Variants in USP12 observed in about 807,000 individuals in gnomAD.
USP12 encodes ubiquitin specific peptidase 12, also known as ubiquitin carboxyl-terminal hydrolase 12.
USP12 carries 19 observed loss-of-function variants against 45.5 expected under a neutral mutation model. The observed-to-expected ratio is 0.42, with a 90% CI of 0.29 to 0.61. USP12 has a LOEUF of 0.61. USP12 is among the 20% of genes least tolerant of loss of function. The pLI, the probability that USP12 is intolerant of heterozygous loss-of-function variation, is 0.22. For missense variants in USP12, 242 were observed against 447.7 expected, an observed-to-expected ratio of 0.54 and a Z score of 4.15; for synonymous variants, 149 against 148.8, an observed-to-expected ratio of 1.00 and a Z score of -0.01.
chr13:27,154,443 T>C (rs368250744), intron 1 of USP12, among the ~76,000 whole-genome samples: 1 of 152,224 alleles, frequency 6.6e-6, no homozygotes, highest in Non-Finnish European at 1.5e-5. Context: ...AGACTGGTAG[T>C]GTGCTAACAG....
chr13:27,153,301 C>T (rs1343964670), intron 1 of USP12, among the ~76,000 whole-genome samples: 2 of 151,708 alleles, frequency 1.3e-5, no homozygotes, highest in Admixed American at 6.6e-5. Flanking sequence ...AGTGAGACTC[C>T]GTCTCAAAAA....
At chr13:27,089,414 C>A (rs1874211469) in intron 6 of USP12, 1 of 153,220 alleles carries the variant, frequency 6.5e-6, no homozygotes, top group African/African-American at 2.4e-5. Flanking sequence ...GAGACTGTTT[C>A]AAAATAAGAA....
At chr13:27,168,257 T>G (rs937247160) in intron 1 of USP12, among the ~76,000 whole-genome samples, 5 of 152,126 alleles carry the variant, frequency 3.3e-5, no homozygotes, top group African/African-American at 1.2e-4. Context: ...CACCAACAAC[T>G]TCTCCGTTGT....
At chr13:27,158,881 C>G (rs1174611843) in intron 1 of USP12, among the ~76,000 whole-genome samples, 6 of 152,018 alleles carry the variant, frequency 3.9e-5, no homozygotes, top group Non-Finnish European at 7.4e-5. Context: ...TGATGACAAC[C>G]AAAAATATAC....
intron 6 of USP12, among the ~76,000 whole-genome samples, chr13:27,076,998 T>C (rs1194141181): frequency 2.0e-5 from 3 of 152,124 alleles, no homozygotes; most frequent in African/African-American, 7.2e-5. Context: ...CTCAAAAACA[T>C]CCCTTATGAG....
intron 1 of USP12, among the ~76,000 whole-genome samples, chr13:27,139,972 TA>T (rs1222074888): frequency 6.6e-6 from 1 of 152,206 alleles, no homozygotes; most frequent in African/African-American, 2.4e-5. Context: ...AAGGTTCTAC[TA>T]ATTACCCTCT....
At chr13:27,162,737 A>G (rs1018812697) in intron 1 of USP12, 1 of 152,216 alleles carries the variant, frequency 6.6e-6, no homozygotes, top group African/African-American at 2.4e-5. Flanking sequence ...TTCCTTTAAT[A>G]CAATGAAAGT....
intron 8 of USP12, among the ~76,000 whole-genome samples, chr13:27,070,091 T>G: frequency 6.6e-6 from 1 of 152,216 alleles, no homozygotes; most frequent in East Asian, 1.9e-4. Flanking sequence ...ATTTCTAACT[T>G]GGTATATTCA....
intron 8 of USP12, among the ~76,000 whole-genome samples, chr13:27,069,982 T>C (rs1353748811): frequency 6.6e-6 from 1 of 152,064 alleles, no homozygotes; most frequent in African/African-American, 2.4e-5. Flanking sequence ...CAACCTAACA[T>C]ATATCCAAGA....
intron 1 of USP12, among the ~76,000 whole-genome samples, chr13:27,144,087 C>G (rs1420784954): frequency 6.6e-6 from 1 of 151,922 alleles, no homozygotes; most frequent in Non-Finnish European, 1.5e-5. Flanking sequence ...GCCTATAGTC[C>G]CAGCCTCTCG....
intron 1 of USP12, among the ~76,000 whole-genome samples, chr13:27,130,962 T>A (rs1243515934): frequency 1.3e-5 from 2 of 152,246 alleles, no homozygotes; most frequent in Admixed American, 1.3e-4. Context: ...AGAAAAATTC[T>A]GGATGAAAAG....
intron 3 of USP12, among the ~76,000 whole-genome samples, chr13:27,100,969 ATG>A (rs1874839301): frequency 6.6e-6 from 1 of 152,218 alleles, no homozygotes; most frequent in African/African-American, 2.4e-5. Context: ...TAGCATATAC[ATG>A]TTTTTCAAAA....
chr13:27,137,264 G>C (rs1876847373), intron 1 of USP12, among the ~76,000 whole-genome samples: 1 of 152,018 alleles, frequency 6.6e-6, no homozygotes, highest in Non-Finnish European at 1.5e-5. Flanking sequence ...CATTAAAGAA[G>C]AACCTGAACA....
chr13:27,145,229 G>A (rs1288189063), intron 1 of USP12, among the ~76,000 whole-genome samples: 1 of 152,166 alleles, frequency 6.6e-6, no homozygotes, highest in Non-Finnish European at 1.5e-5. Flanking sequence ...AGAATGACAG[G>A]TGGCCAAAAA....
chr13:27,124,984 C>T (rs1441597766), intron 1 of USP12, among the ~76,000 whole-genome samples: 1 of 152,168 alleles, frequency 6.6e-6, no homozygotes, highest in African/African-American at 2.4e-5. Context: ...CAGTATCTGA[C>T]TACCTGTGTT....
intron 1 of USP12, among the ~76,000 whole-genome samples, chr13:27,130,217 G>A (rs1228641445): frequency 6.6e-6 from 1 of 152,158 alleles, no homozygotes; most frequent in Non-Finnish European, 1.5e-5. Context: ...GCAGTAGCCT[G>A]GGGAAACAGC....
At chr13:27,089,663 G>A (rs1003313684) in intron 6 of USP12, 2 of 476,092 alleles carry the variant, frequency 4.2e-6, no homozygotes, top group East Asian at 3.5e-5. Context: ...TTAAATAATC[G>A]CTAGACATAG....
intron 3 of USP12, among the ~76,000 whole-genome samples, chr13:27,099,381 T>C (rs1178634290): frequency 6.6e-6 from 1 of 152,196 alleles, no homozygotes; most frequent in Non-Finnish European, 1.5e-5. Flanking sequence ...GATGGGGGTC[T>C]CGCTATGTTG....
intron 4 of USP12, among the ~76,000 whole-genome samples, chr13:27,093,660 C>A (rs1874424639): frequency 6.6e-6 from 1 of 152,180 alleles, no homozygotes; most frequent in African/African-American, 2.4e-5. Flanking sequence ...ATCCAGTGAT[C>A]CTGCTCCTTG....
Sources: allele counts gnomAD v4.1 joint callset (sites outside exome capture counted in the v4.1 genomes callset), GRCh38; gene constraint gnomAD v4.1.1; transcripts MANE v1.5; gene names NCBI Gene and HGNC (gene_info 2026-07-23, HGNC 2026-07-21).